DYNC2H1: variants seen among roughly 807,000 people sequenced by gnomAD.
DYNC2H1 encodes the protein dynein cytoplasmic 2 heavy chain 1.
In DYNC2H1, 410 loss-of-function variants were observed where a neutral mutation model predicts 570.0. That is an observed-to-expected ratio of 0.72 (90% CI 0.66 to 0.78). The LOEUF is 0.78. DYNC2H1 is among the 30% of genes least tolerant of loss of function. DYNC2H1 has a pLI of 0.00. For missense variants in DYNC2H1, 4,865 were observed against 5,046.4 expected (o/e 0.96, Z 1.09); for synonymous variants, 1,688 against 1,677.6 (o/e 1.01, Z -0.15).
intron 84 of DYNC2H1, chr11:103,405,043 C>G (rs1187311186): frequency 1.4e-5 from 2 of 145,864 alleles, no homozygotes; most frequent in East Asian, 4.1e-4. Context: ...GCCCATATAC[C>G]CAAATGGTTC....
rs78599571 is a variant in DYNC2H1, at chr11:103,303,235, C to T, written c.11238C>T (p.Ser3746=). 1.1e-3 allele frequency: 1,765 copies of T among 1,611,950 alleles called. 14 individuals carry two copies. In the African/African-American group the frequency reaches 0.021, roughly 19 times the overall value. Residue 3746 remains serine (S), a synonymous_variant, in exon 76 of 89, where the codon AGC becomes AGT. Transcript: ENST00000375735. ...AAGAACTAGCTAATGCTGAAAGAAG[C>T]GGAGAGTGTTATCACCAGGTAAGTA... ...ELQELANAER[S]GECYHQVAMG...
rs558874883 is a variant in DYNC2H1, at chr11:103,363,872, C to T, written c.12156+5513C>T. 1.5e-4 allele frequency among the ~76,000 whole-genome samples: 23 copies of T among 152,268 alleles called. No homozygotes were observed. The highest frequency in any genetic ancestry group is 5.1e-4 in the African/African-American group (21 of 41,556). ...GCTAGGCTTATTTTGACAGTAGACA[C>T]TATTTTATTTTCATGGAGCCAAGGA... On this transcript the variant is annotated intron_variant, in intron 83 of 88. Coordinates refer to ENST00000375735, the MANE Select transcript of DYNC2H1 (RefSeq NM_001377.3). The surrounding 1 kb of genome is among the most constrained non-coding windows in gnomAD (Gnocchi z 5.6).
At chr11:103,192,991 A>G (rs1281684285) in intron 47 of DYNC2H1, among the ~76,000 whole-genome samples, 1 of 152,228 alleles carries the variant, frequency 6.6e-6, no homozygotes. Context: ...TTTAATGGCA[A>G]AACCACAATT....
chr11:103,276,329 G>A (rs772474087), intron 70 of DYNC2H1, among the ~76,000 whole-genome samples: 5 of 151,812 alleles, frequency 3.3e-5, no homozygotes, highest in Admixed American at 3.3e-4. Context: ...TGTATGTTTT[G>A]TATAAATTGT....
intron 83 of DYNC2H1, among the ~76,000 whole-genome samples, chr11:103,381,825 T>C (rs1941660439): frequency 6.6e-6 from 1 of 152,268 alleles, no homozygotes; most frequent in Non-Finnish European, 1.5e-5. Flanking sequence ...ACTATATTTT[T>C]TGGTAAAATA....
At chr11:103,290,352 A>G (rs971559105) in intron 75 of DYNC2H1, among the ~76,000 whole-genome samples, 2 of 152,036 alleles carry the variant, frequency 1.3e-5, no homozygotes, top group African/African-American at 4.8e-5. Flanking sequence ...AAGTCTGGAT[A>G]TGTTCTGTGC....
At chr11:103,248,816 G>A (rs112211852) in intron 65 of DYNC2H1, among the ~76,000 whole-genome samples, 16 of 151,932 alleles carry the variant, frequency 1.1e-4, no homozygotes, top group Non-Finnish European at 1.3e-4. Context: ...ATATCACAGT[G>A]AGTGCATCTA....
Position 103,209,936 on chromosome 11 carries a change from A to G in DYNC2H1, c.8515A>G (p.Lys2839Glu). The G allele has an allele frequency of 6.7e-7, 1 of 1,497,330 alleles. No homozygotes were observed. 92.8% of individuals were successfully genotyped at this position (1,497,330 alleles called of 1,614,324 possible). Residue 2839 changes from lysine (K) to glutamate (E), a missense_variant, in exon 53 of 89, where the codon AAA becomes GAA. This residue lies in a region of DYNC2H1 where 2,401 missense variants were observed against 2,454.6 expected (regional missense o/e 0.98). Transcript: ENST00000375735. The surrounding 1 kb of genome is among the most constrained non-coding windows in gnomAD (Gnocchi z 4.2). ...AGAAAAATACAATGATAAAAAACGAAAAGAAGAAAAGAAAAAAAATTCAGG... is the reference window on the plus strand; with the variant it reads ...AGAAAAATACAATGATAAAAAACGAGAAGAAGAAAAGAAAAAAAATTCAGG... ...GGEKYNDKKRKEEKKKNSVDP... is the reference protein window; with the variant it reads ...GGEKYNDKKREEEKKKNSVDP...
At chr11:103,317,086 T>G (rs544263624) in intron 80 of DYNC2H1, among the ~76,000 whole-genome samples, 1 of 152,198 alleles carries the variant, frequency 6.6e-6, no homozygotes, top group East Asian at 1.9e-4. Flanking sequence ...TCAGCCTCCT[T>G]GAAAACAGGA....
At chr11:103,120,616 C>T in intron 7 of DYNC2H1, 35 bp downstream of exon 7, 1 of 1,595,640 alleles carries the variant, frequency 6.3e-7, no homozygotes. Flanking sequence ...TGTACAGTTT[C>T]CTGTTTATGT....
chr11:103,163,490 G>A lies in DYNC2H1; in HGVS notation c.4611+343G>A, dbSNP rs1388569516. Among the ~76,000 whole-genome samples the A allele has an allele frequency of 6.6e-6, 1 of 152,128 alleles. No homozygotes were observed. Among genetic ancestry groups the A allele is most frequent in the Non-Finnish European group, 1.5e-5 (1 of 68,020 alleles). On this transcript the variant is annotated intron_variant, in intron 30 of 88. Transcript: ENST00000375735. This position sits in a 1 kb window ranked among gnomAD's most constrained non-coding sequence, Gnocchi z 4.6. The stretch of plus-strand genomic sequence containing the variant: ...CCATCCCTCCCATGGGATCATCTAA[G>A]CATTGGAGCTGGCAGGAACTTAGCA...
chr11:103,358,458 C>A, intron 83 of DYNC2H1, 99 bp downstream of exon 83: 4 of 793,994 alleles, frequency 5.0e-6, no homozygotes, highest in Non-Finnish European at 8.4e-6. Context: ...AATCACATTG[C>A]AGAGGTTCCT....
At chr11:103,178,797 C>T (rs1861730484) in intron 38 of DYNC2H1, among the ~76,000 whole-genome samples, 1 of 151,846 alleles carries the variant, frequency 6.6e-6, no homozygotes, top group South Asian at 2.1e-4. Flanking sequence ...ATACCTAAGC[C>T]TTGCATTTTT....
chr11:103,430,411 A>G (rs1284447291), intron 84 of DYNC2H1, among the ~76,000 whole-genome samples: 1 of 152,082 alleles, frequency 6.6e-6, no homozygotes, highest in Admixed American at 6.6e-5. Context: ...AGTGTTTGCT[A>G]TCGTTATCCT....
At chr11:103,171,216 C>A in intron 34 of DYNC2H1, 148 bp downstream of exon 34, 2 of 737,564 alleles carry the variant, frequency 2.7e-6, no homozygotes, top group Non-Finnish European at 3.8e-6. Flanking sequence ...AGCTATAAAA[C>A]GTTTCTGAGG....
At chr11:103,247,811 A>C (rs1864674346) in intron 65 of DYNC2H1, among the ~76,000 whole-genome samples, 1 of 151,964 alleles carries the variant, frequency 6.6e-6, no homozygotes, top group Non-Finnish European at 1.5e-5. Context: ...GATTGCCAGA[A>C]ATTGTACCTG....
At chr11:103,193,178 A>G (rs1591387825) in intron 47 of DYNC2H1, among the ~76,000 whole-genome samples, 2 of 152,184 alleles carry the variant, frequency 1.3e-5, no homozygotes, top group East Asian at 3.9e-4. Context: ...GTTCAAGAGA[A>G]ACTTCAAGAA....
intron 84 of DYNC2H1, among the ~76,000 whole-genome samples, chr11:103,408,955 G>A (rs2514396): frequency 0.51 from 76,673 of 151,378 alleles, 19,653 homozygotes; most frequent in African/African-American, 0.6. Context: ...ATATCCCGCC[G>A]GATAGGTCAG....
Position 103,186,115 on chromosome 11 carries a change from G to A in DYNC2H1, c.6634-127G>A. The A allele has an allele frequency of 1.2e-6, 1 of 851,436 alleles. No homozygotes were observed. The allele number at this position is 851,436 out of a possible 1,614,324, so 52.7% of individuals were successfully genotyped here. A position where few individuals can be genotyped will look rare whatever the true frequency, so the allele number is the denominator to read the frequency against. On this transcript the variant is annotated intron_variant, in intron 41 of 88. Transcript: ENST00000375735. This position sits in a 1 kb window ranked among gnomAD's most constrained non-coding sequence, Gnocchi z 4.5. Reference sequence around the variant, plus strand: ...AAAATGTTACATTAATGATAAAATAGGTTTAGTTTATGTAAAGTTTTCTTG... The same window carrying A: ...AAAATGTTACATTAATGATAAAATAAGTTTAGTTTATGTAAAGTTTTCTTG...
Sources: gnomAD v4.1 joint callset for allele counts (sites outside exome capture counted in the v4.1 genomes callset) on GRCh38, gnomAD v4.1.1 for gene constraint, gnomAD v4.1.1 regional missense constraint, Gnocchi (gnomAD v3.1) non-coding constraint, MANE v1.5 for transcripts, NCBI Gene and HGNC (gene_info 2026-07-23, HGNC 2026-07-21) for gene names.